SPMIP2: variants seen among roughly 807,000 people sequenced by gnomAD.
SPMIP2 encodes sperm microtubule inner protein 2, also known as protein SPMIP2.
the SPMIP2 span, chr4:158,915,085 A>T: frequency 8.5e-7 from 1 of 1,175,016 alleles, no homozygotes; most frequent in Non-Finnish European, 1.2e-6. Flanking sequence ...GATTATTAGT[A>T]TTACTATGAG....
the SPMIP2 span, among the ~76,000 whole-genome samples, chr4:159,047,184 C>A: frequency 3.9e-5 from 6 of 152,100 alleles, no homozygotes; most frequent in Non-Finnish European, 8.8e-5. Context: ...AAAATCTAAT[C>A]TTGTGCATTT....
chr4:158,951,379 C>T, the SPMIP2 span, among the ~76,000 whole-genome samples: 1 of 152,294 alleles, frequency 6.6e-6, no homozygotes, highest in East Asian at 1.9e-4. Flanking sequence ...CAGCATGTTA[C>T]TGTACTGAAT....
At chr4:159,015,369 G>A in the SPMIP2 span, among the ~76,000 whole-genome samples, 1 of 152,204 alleles carries the variant, frequency 6.6e-6, no homozygotes, top group Non-Finnish European at 1.5e-5. Flanking sequence ...TTTTAGGATA[G>A]CATTACATTA....
At chr4:159,027,067 G>T in the SPMIP2 span, among the ~76,000 whole-genome samples, 1 of 151,682 alleles carries the variant, frequency 6.6e-6, no homozygotes, top group Non-Finnish European at 1.5e-5. Flanking sequence ...AGGTAGGATT[G>T]ATTTGGAGTT....
the SPMIP2 span, among the ~76,000 whole-genome samples, chr4:159,030,639 C>T: frequency 5.3e-5 from 8 of 151,886 alleles, no homozygotes; most frequent in South Asian, 2.1e-4. Context: ...TGGGATTACA[C>T]GGGTATGCCA....
At chr4:159,063,362 C>G in the SPMIP2 span, among the ~76,000 whole-genome samples, 2 of 151,860 alleles carry the variant, frequency 1.3e-5, no homozygotes, top group African/African-American at 4.8e-5. Flanking sequence ...AGTTCGAGAC[C>G]AGCATGGCCA....
the SPMIP2 span, among the ~76,000 whole-genome samples, chr4:158,957,303 A>C: frequency 6.6e-6 from 1 of 152,180 alleles, no homozygotes; most frequent in African/African-American, 2.4e-5. Context: ...TCTGATCCTC[A>C]TCTCACTACT....
chr4:158,956,519 C>T, the SPMIP2 span, among the ~76,000 whole-genome samples: 7 of 152,148 alleles, frequency 4.6e-5, no homozygotes, highest in African/African-American at 1.4e-4. Flanking sequence ...GCGGAGATCG[C>T]GCCGTTGCAC....
chr4:159,056,835 A>G, the SPMIP2 span, among the ~76,000 whole-genome samples: 2 of 152,218 alleles, frequency 1.3e-5, no homozygotes, highest in African/African-American at 4.8e-5. Flanking sequence ...TAAGGAGGAA[A>G]GAAAGAAAGG....
At chr4:158,956,555 T>C in the SPMIP2 span, among the ~76,000 whole-genome samples, 1 of 151,572 alleles carries the variant, frequency 6.6e-6, no homozygotes, top group Non-Finnish European at 1.5e-5. Context: ...AGAGCAAAAC[T>C]CTGTCTCAAA....
chr4:159,050,809 G>A, the SPMIP2 span, among the ~76,000 whole-genome samples: 3 of 143,988 alleles, frequency 2.1e-5, no homozygotes, highest in Non-Finnish European at 4.6e-5. Flanking sequence ...AAAAAAAAAA[G>A]CTATAAAAAA....
At chr4:159,033,300 G>C in the SPMIP2 span, among the ~76,000 whole-genome samples, 1 of 152,022 alleles carries the variant, frequency 6.6e-6, no homozygotes, top group Non-Finnish European at 1.5e-5. Flanking sequence ...AGGGGGAAAG[G>C]GGGAGGGGGG....
the SPMIP2 span, chr4:158,905,759 G>T: frequency 6.6e-6 from 1 of 150,816 alleles, no homozygotes; most frequent in South Asian, 2.1e-4. Flanking sequence ...TACTGACCGT[G>T]AAACAGACTA....
chr4:158,956,340 G>A, the SPMIP2 span, among the ~76,000 whole-genome samples: 1 of 152,332 alleles, frequency 6.6e-6, no homozygotes, highest in African/African-American at 2.4e-5. Context: ...CCGCGTGGGT[G>A]GATCACGAGG....
chr4:159,069,450 A>G, the SPMIP2 span, among the ~76,000 whole-genome samples: 1 of 150,408 alleles, frequency 6.6e-6, no homozygotes, highest in South Asian at 2.1e-4. Context: ...TTTTTTTTTT[A>G]AGAGACAAGG....
the SPMIP2 span, among the ~76,000 whole-genome samples, chr4:158,972,580 C>T: frequency 6.6e-6 from 1 of 152,314 alleles, no homozygotes; most frequent in African/African-American, 2.4e-5. Context: ...CCTATGTCTA[C>T]ATCACCAAAA....
chr4:158,898,722 A>C, the SPMIP2 span, among the ~76,000 whole-genome samples: 1 of 152,200 alleles, frequency 6.6e-6, no homozygotes, highest in Non-Finnish European at 1.5e-5. Flanking sequence ...TATCAGCTTA[A>C]GGAGATTTTG....
At chr4:158,982,838 A>C in the SPMIP2 span, among the ~76,000 whole-genome samples, 2 of 152,208 alleles carry the variant, frequency 1.3e-5, no homozygotes, top group African/African-American at 4.8e-5. Context: ...TGAGAGAAGA[A>C]GGCTTCAGAC....
At chr4:159,050,207 T>A in the SPMIP2 span, among the ~76,000 whole-genome samples, 2 of 145,786 alleles carry the variant, frequency 1.4e-5, no homozygotes, top group African/African-American at 5.0e-5. Context: ...CCACTGTATT[T>A]TTTTTTTTTT....
Sources: allele counts gnomAD v4.1 joint callset (sites outside exome capture counted in the v4.1 genomes callset), GRCh38; gene constraint gnomAD v4.1.1; transcripts MANE v1.5; gene names NCBI Gene and HGNC (gene_info 2026-07-23, HGNC 2026-07-21).